Variants in SETD7 observed in about 807,000 individuals in gnomAD.
SETD7 encodes SET domain containing 7, histone lysine methyltransferase.
In SETD7, 16 loss-of-function variants were observed where a neutral mutation model predicts 41.8. The ratio of observed to expected loss-of-function variants is 0.38; its 90% CI spans 0.26 to 0.58. SETD7 has a LOEUF of 0.58. SETD7 is among the 20% of genes least tolerant of loss of function. The pLI is 0.64. For synonymous variants in SETD7, 163 were observed against 169.7 expected, an observed-to-expected ratio of 0.96 and a Z score of 0.31; for missense variants, 346 against 459.7, an observed-to-expected ratio of 0.75 and a Z score of 2.26.
At position 139,544,501 on chromosome 4, in the gene SETD7, G is replaced by C. The variant is rs1579223031; in HGVS notation, c.170+2419C>G. Among the ~76,000 whole-genome samples the C allele has an allele frequency of 2.0e-5, 3 of 152,098 alleles. No homozygotes were observed. The South Asian group carries it at 6.2e-4, about 32-fold the overall frequency. ...ATTTGTCTGACACACTGGGGTAAGCGGATGAAGCTGTTTGGGGCTAGAAGT... is the reference window on the plus strand; with the variant it reads ...ATTTGTCTGACACACTGGGGTAAGCCGATGAAGCTGTTTGGGGCTAGAAGT... On this transcript the variant is annotated intron_variant, in intron 2 of 7. Coordinates refer to ENST00000274031, the MANE Select transcript of SETD7 (RefSeq NM_030648.4).
Position 139,511,626 on chromosome 4 carries a change from T to C in SETD7, c.*37A>G. 1 of 1,612,362 alleles carries C rather than the reference T, an allele frequency of 6.2e-7. No homozygotes were observed. Among genetic ancestry groups the C allele is most frequent in the Middle Eastern group, 1.7e-4 (1 of 6,046 alleles). On this transcript the variant is annotated 3_prime_UTR_variant, in exon 8 of 8. Coordinates refer to ENST00000274031, the MANE Select transcript of SETD7 (RefSeq NM_030648.4). ...ATAAACGTAGTGCATAGATCCAAGT[T>C]TCTATTCCAGGTCTCTGAACCCCAA...
chr4:139,526,436 A>ATT lies in SETD7; in HGVS notation c.562+2593_562+2594dup, dbSNP rs11353890. 1.2e-3 allele frequency among the ~76,000 whole-genome samples: 150 copies of ATT among 122,604 alleles called. No homozygotes were observed. The East Asian group carries it at 0.02, about 16-fold the overall frequency. 80.4% of individuals were successfully genotyped at this position (122,604 alleles called of 152,430 possible). ...AGACACATGCCACTATGCCCAGCTA[A>ATT]TTTTTTTTTTTTTTTTTTGTATTTT... On this transcript the variant is annotated intron_variant, in intron 4 of 7. Coordinates refer to ENST00000274031, the MANE Select transcript of SETD7 (RefSeq NM_030648.4).
At chr4:139,503,575 T>A (rs1726629836), downstream of SETD7, among the ~76,000 whole-genome samples, 1 of 152,194 alleles carries the variant, frequency 6.6e-6, no homozygotes, top group African/African-American at 2.4e-5. Flanking sequence ...AACGGCCTGA[T>A]AAAACTCTAG....
At chr4:139,521,418 C>T (rs1727178307) in intron 5 of SETD7, among the ~76,000 whole-genome samples, 1 of 81,006 alleles carries the variant, frequency 1.2e-5, no homozygotes, top group Admixed American at 1.6e-4. Context: ...AAGAGCAAGA[C>T]TCTGTCTTAA....
At chr4:139,517,666 T>C (rs1021856425) in intron 7 of SETD7, among the ~76,000 whole-genome samples, 1 of 152,184 alleles carries the variant, frequency 6.6e-6, no homozygotes, top group Non-Finnish European at 1.5e-5. Context: ...CCATTTCTCC[T>C]CTTCAAAGCA....
intron 5 of SETD7, among the ~76,000 whole-genome samples, chr4:139,522,368 C>G (rs1360672984): frequency 6.6e-6 from 1 of 152,100 alleles, no homozygotes; most frequent in Non-Finnish European, 1.5e-5. Flanking sequence ...GAGAGGGTAC[C>G]AGAAAAAGCC....
downstream of SETD7, among the ~76,000 whole-genome samples, chr4:139,505,398 C>T (rs1396718734): frequency 6.6e-6 from 1 of 151,960 alleles, no homozygotes; most frequent in Non-Finnish European, 1.5e-5. Context: ...AGACCAGCCT[C>T]GCCAACATGG....
At chr4:139,499,835 T>C (rs1443489460) in intron 7 of SETD7, among the ~76,000 whole-genome samples, 2 of 152,176 alleles carry the variant, frequency 1.3e-5, no homozygotes, top group African/African-American at 2.4e-5. Context: ...AAGAACCCAC[T>C]GGGTTCTGAC....
At chr4:139,499,744 T>C (rs1415868228) in intron 7 of SETD7, among the ~76,000 whole-genome samples, 3 of 152,214 alleles carry the variant, frequency 2.0e-5, no homozygotes, top group Admixed American at 1.3e-4. Flanking sequence ...TGGCTGGCCC[T>C]GTGATCATTA....
chr4:139,497,589 GTTTT>G (rs558746212), intron 7 of SETD7, among the ~76,000 whole-genome samples: 39 of 149,764 alleles, frequency 2.6e-4, no homozygotes, highest in Non-Finnish European at 5.5e-4. Context: ...TTGTTTTTTT[GTTTT>G]TTTGTTTTTT....
downstream of SETD7, among the ~76,000 whole-genome samples, chr4:139,502,908 G>C (rs570814063): frequency 2.0e-5 from 3 of 152,152 alleles, no homozygotes; most frequent in South Asian, 6.2e-4. Flanking sequence ...TCTTGCTGGG[G>C]GTGGTGGCTC....
intron 2 of SETD7, among the ~76,000 whole-genome samples, chr4:139,545,195 T>G (rs1579223595): frequency 6.6e-6 from 1 of 152,176 alleles, no homozygotes; most frequent in Admixed American, 6.5e-5. Flanking sequence ...CCAACTTTTT[T>G]TTTTTGAAAC....
chr4:139,511,703 T>C lies in SETD7; in HGVS notation c.1061A>G (p.Gln354Arg). The C allele has an allele frequency of 6.2e-7, 1 of 1,614,070 alleles. No individual in the cohort carries two copies. Among genetic ancestry groups the C allele is most frequent in the Non-Finnish European group, 8.5e-7 (1 of 1,179,996 alleles). ...GGCCTGGAAGGCCTTCAGCTCCACCTGGTACCACTCAGGGGCTTCAGGCCC... is the reference window on the plus strand; with the variant it reads ...GGCCTGGAAGGCCTTCAGCTCCACCCGGTACCACTCAGGGGCTTCAGGCCC... ...KSGPEAPEWY[Q>R]VELKAFQATQ... Residue 354 changes from glutamine to arginine, a missense_variant, in exon 8 of 8, where the codon CAG becomes CGG. Gln to Arg is a conservative substitution (Grantham distance 43, BLOSUM62 1). Around this residue, in one of 3 missense-constraint regions of SETD7, gnomAD observed 5 missense variants for 17.2 expected, o/e 0.29. Coordinates refer to ENST00000274031, the MANE Select transcript of SETD7 (RefSeq NM_030648.4).
chr4:139,551,972 A>G (rs1384406641), intron 1 of SETD7, among the ~76,000 whole-genome samples: 1 of 152,182 alleles, frequency 6.6e-6, no homozygotes, highest in Non-Finnish European at 1.5e-5. Context: ...ACATAACTTG[A>G]TGTTTTGATC....
intron 7 of SETD7, among the ~76,000 whole-genome samples, chr4:139,512,475 T>C (rs1579201352): frequency 6.6e-6 from 1 of 152,160 alleles, no homozygotes; most frequent in African/African-American, 2.4e-5. Flanking sequence ...TGAAGCATCC[T>C]ATGAAGAGAG....
intron 7 of SETD7, among the ~76,000 whole-genome samples, chr4:139,513,422 A>G (rs904009441): frequency 6.6e-6 from 1 of 150,630 alleles, no homozygotes; most frequent in Non-Finnish European, 1.5e-5. Context: ...TTTGTCTCAA[A>G]AAAAAAAAAA....
In SETD7 at chr4:139,506,499, G is replaced by A. The variant is rs1726707803; in HGVS notation, c.*5164C>T. ...TTGAAGAAGGGAGCTCAGAATCATG[G>A]ACATAATTTTCCTATGTGATAAGCA... is the stretch of plus-strand genomic sequence containing the variant. On this transcript the variant is annotated 3_prime_UTR_variant, in exon 8 of 8. Transcript: ENST00000274031. 6.6e-6 allele frequency: 1 copy of A among 152,544 alleles called. No homozygotes were observed. 9.4% of individuals were successfully genotyped at this position (152,544 alleles called of 1,614,324 possible).
chr4:139,533,932 CAT>C (rs1165419963), intron 2 of SETD7, among the ~76,000 whole-genome samples: 1 of 152,128 alleles, frequency 6.6e-6, no homozygotes, highest in Admixed American at 6.5e-5. Flanking sequence ...CCTTGGAAGA[CAT>C]ATGGGGATTT....
At chr4:139,526,680 A>G (rs1180336239) in intron 4 of SETD7, among the ~76,000 whole-genome samples, 1 of 152,238 alleles carries the variant, frequency 6.6e-6, no homozygotes, top group Non-Finnish European at 1.5e-5. Context: ...ATGAGGAAAC[A>G]GGTTCTGAAA....
Sources: gnomAD v4.1 joint callset for allele counts (sites outside exome capture counted in the v4.1 genomes callset) on GRCh38, gnomAD v4.1.1 for gene constraint, gnomAD v4.1.1 regional missense constraint, MANE v1.5 for transcripts, NCBI Gene and HGNC (gene_info 2026-07-23, HGNC 2026-07-21) for gene names.